The following SH3D19 variants were observed in gnomAD, a reference collection of about 807,000 sequenced individuals.
The protein encoded by SH3D19 is SH3 domain-containing protein 19.
A neutral mutation model predicts 112.1 loss-of-function variants in SH3D19; 58 were observed. The ratio of observed to expected loss-of-function variants is 0.52; its 90% CI spans 0.42 to 0.64. The LOEUF (loss-of-function observed/expected upper bound fraction) is 0.64. Among genes scored for constraint, SH3D19 ranks in the 30% least tolerant of loss-of-function variants. SH3D19 has a pLI of 0.00. For synonymous variants in SH3D19, 391 were observed against 448.5 expected (o/e 0.87, Z 1.62); for missense variants, 1,090 against 1,263.4 (o/e 0.86, Z 2.08).
chr4:151,222,171 C>T (rs556171825), intron 2 of SH3D19, among the ~76,000 whole-genome samples: 2 of 152,320 alleles, frequency 1.3e-5, no homozygotes, highest in South Asian at 4.1e-4. Flanking sequence ...AATATATCCC[C>T]CTCCAAGTTC....
chr4:151,172,521 A>C (rs1759252903), intron 7 of SH3D19, among the ~76,000 whole-genome samples: 2 of 152,276 alleles, frequency 1.3e-5, no homozygotes, highest in South Asian at 4.1e-4. Flanking sequence ...GGAAGGTAAA[A>C]CCAGCAGGAG....
At chr4:151,122,386 C>T (rs568560062) in intron 19 of SH3D19, among the ~76,000 whole-genome samples, 179 bp from the exon 20 acceptor site, 11 of 152,218 alleles carry the variant, frequency 7.2e-5, no homozygotes, top group Admixed American at 6.6e-4. Context: ...AAGCCTCTAT[C>T]CCTTAAATCT....
At chr4:151,122,845 G>T (rs113768215) in intron 19 of SH3D19, among the ~76,000 whole-genome samples, 8,466 of 145,256 alleles carry the variant, frequency 0.058, 396 homozygotes, top group East Asian at 0.19. Context: ...TCATTTTAGA[G>T]ACTTTTTTTT....
chr4:151,247,693 A>G (rs1195401935), intron 1 of SH3D19, among the ~76,000 whole-genome samples: 1 of 152,168 alleles, frequency 6.6e-6, no homozygotes, highest in Admixed American at 6.6e-5. Context: ...CTCCATTTTA[A>G]TAGTTCAGCT....
chr4:151,132,474 G>A, intron 16 of SH3D19, 91 bp from the exon 17 acceptor site: 1 of 1,143,252 alleles, frequency 8.7e-7, no homozygotes, highest in South Asian at 1.3e-5. Flanking sequence ...GGTGGGAGGT[G>A]GGAGTGAAGA....
rs147112884 is a variant in SH3D19, at chr4:151,174,943, G to A, written c.1261C>T (p.Arg421Trp). 37 of 1,613,888 alleles carry A rather than the reference G, an allele frequency of 2.3e-5. No individual in the cohort carries two copies. Among genetic ancestry groups the A allele is most frequent in the South Asian group, 7.7e-5 (7 of 91,074 alleles). ...SGKKVPTPAP[R>W]PLLLKKSVSS... Reference sequence around the variant, plus strand: ...ACAGATTTCTTCAGCAGCAAAGGCCGCGGGGCAGGAGTTGGCACTTTCTTC... The same window carrying A: ...ACAGATTTCTTCAGCAGCAAAGGCCACGGGGCAGGAGTTGGCACTTTCTTC... Residue 421 changes from arginine (R) to tryptophan (W), a missense_variant, in exon 7 of 20, where the codon CGG becomes TGG. Transcript: ENST00000604030.
At chr4:151,123,224 G>A (rs1370324771) in intron 19 of SH3D19, among the ~76,000 whole-genome samples, 1 of 152,180 alleles carries the variant, frequency 6.6e-6, no homozygotes, top group Non-Finnish European at 1.5e-5. Flanking sequence ...TAACTTGCCA[G>A]TGTCGCATGT....
chr4:151,190,420 C>T (rs937276378), intron 2 of SH3D19, among the ~76,000 whole-genome samples: 4 of 152,158 alleles, frequency 2.6e-5, no homozygotes, highest in Non-Finnish European at 4.4e-5. Context: ...GTCTTCTTGG[C>T]GGCTCCTCCC....
At chr4:151,177,643 C>T (rs535650317) in intron 4 of SH3D19, among the ~76,000 whole-genome samples, 7 of 152,298 alleles carry the variant, frequency 4.6e-5, no homozygotes, top group Admixed American at 2.0e-4. Context: ...GCCACTGCAC[C>T]CAGCTTGGTT....
At chr4:151,131,296 C>G in intron 17 of SH3D19, among the ~76,000 whole-genome samples, 1 of 37,532 alleles carries the variant, frequency 2.7e-5, no homozygotes, top group East Asian at 1.3e-3. Context: ...TGTACTTTCT[C>G]TCTTTTTTTT....
chr4:151,140,160 C>A (rs1752736412), intron 12 of SH3D19: 1 of 234,384 alleles, frequency 4.3e-6, no homozygotes, highest in Non-Finnish European at 8.3e-6. Flanking sequence ...TCTATTCTAC[C>A]CCAAAGTAGT....
chr4:151,139,072 G>A (rs1752475481), intron 13 of SH3D19, among the ~76,000 whole-genome samples: 2 of 151,956 alleles, frequency 1.3e-5, no homozygotes, highest in African/African-American at 2.4e-5. Flanking sequence ...TGATCCATCC[G>A]CCTCGGCCTC....
intron 1 of SH3D19, among the ~76,000 whole-genome samples, chr4:151,306,701 A>G (rs1050826105): frequency 1.3e-5 from 2 of 152,232 alleles, no homozygotes; most frequent in African/African-American, 2.4e-5. Context: ...TTTGTTCTAA[A>G]TGCTATGTAA....
chr4:151,267,008 C>G (rs550473461), intron 1 of SH3D19, among the ~76,000 whole-genome samples: 4 of 151,978 alleles, frequency 2.6e-5, no homozygotes, highest in Non-Finnish European at 5.9e-5. Context: ...CTAGCCAGGG[C>G]TGTCAGACTT....
At chr4:151,260,457 A>G (rs918019791) in intron 1 of SH3D19, among the ~76,000 whole-genome samples, 1 of 151,958 alleles carries the variant, frequency 6.6e-6, no homozygotes, top group Non-Finnish European at 1.5e-5. Context: ...ATTGTATCTC[A>G]CTTTCCCTCA....
intron 1 of SH3D19, among the ~76,000 whole-genome samples, chr4:151,246,042 A>AG (rs1770923532): frequency 2.5e-5 from 3 of 121,134 alleles, no homozygotes; most frequent in Non-Finnish European, 3.9e-5. Flanking sequence ...GAAGACATAC[A>AG]AAAAAAAAAA....
At chr4:151,269,675 CATTTTG>C (rs1384206205) in intron 1 of SH3D19, among the ~76,000 whole-genome samples, 1 of 151,942 alleles carries the variant, frequency 6.6e-6, no homozygotes, top group Admixed American at 6.6e-5. Flanking sequence ...ACTTTATAAA[CATTTTG>C]ATTTTTAAGA....
chr4:151,193,230 T>C (rs1762915987), intron 2 of SH3D19, among the ~76,000 whole-genome samples: 1 of 152,120 alleles, frequency 6.6e-6, no homozygotes, highest in Admixed American at 6.6e-5. Context: ...TGTATGCACA[T>C]CTTATCAAAA....
At chr4:151,225,936 CA>C in intron 2 of SH3D19, 110 bp downstream of exon 2, 1 of 652,700 alleles carries the variant, frequency 1.5e-6, no homozygotes, top group Non-Finnish European at 2.2e-6. Context: ...CTGAATGCTA[CA>C]GAAGATTCCA....
Sources: gnomAD v4.1 joint callset for allele counts (sites outside exome capture counted in the v4.1 genomes callset) on GRCh38, gnomAD v4.1.1 for gene constraint, MANE v1.5 for transcripts, NCBI Gene and HGNC (gene_info 2026-07-23, HGNC 2026-07-21) for gene names.